Variants in LRP1B observed in about 807,000 individuals in gnomAD.
LRP1B encodes the protein low-density lipoprotein receptor-related protein 1B.
Under a neutral mutation model 556.6 loss-of-function variants are expected in LRP1B, and 217 were observed. That is an observed-to-expected ratio of 0.39 (90% CI 0.35 to 0.44). The LOEUF is 0.44. Among genes scored for constraint, LRP1B ranks in the 20% least tolerant of loss-of-function variants. The pLI, the probability that LRP1B is intolerant of heterozygous loss-of-function variation, is 1.00. For missense variants in LRP1B, 5,053 were observed against 5,620.8 expected (o/e 0.90, Z 3.23); for synonymous variants, 2,047 against 1,865.8 (o/e 1.10, Z -2.50).
intron 41 of LRP1B, among the ~76,000 whole-genome samples, chr2:140,681,964 T>C (rs1401862235): frequency 1.3e-5 from 2 of 152,234 alleles, no homozygotes; most frequent in Non-Finnish European, 2.9e-5. Flanking sequence ...AAGAAAGGCA[T>C]GTGTGGATGT....
intron 27 of LRP1B, among the ~76,000 whole-genome samples, chr2:140,864,665 T>C (rs901686768): frequency 6.6e-6 from 1 of 152,066 alleles, no homozygotes; most frequent in Non-Finnish European, 1.5e-5. Flanking sequence ...GCTATTATTT[T>C]TTAATATACC....
chr2:141,759,357 A>G (rs1178455889), intron 2 of LRP1B, among the ~76,000 whole-genome samples: 1 of 152,152 alleles, frequency 6.6e-6, no homozygotes, highest in Non-Finnish European at 1.5e-5. Context: ...ACAAAGGAAA[A>G]CCTTGAGATG....
intron 71 of LRP1B, among the ~76,000 whole-genome samples, chr2:140,367,384 A>T (rs889735334): frequency 1.3e-5 from 2 of 151,772 alleles, no homozygotes. Flanking sequence ...TACAGCTTAC[A>T]TTGCCATCTC....
intron 3 of LRP1B, among the ~76,000 whole-genome samples, chr2:141,416,392 T>C (rs1329670046): frequency 6.6e-6 from 1 of 151,564 alleles, no homozygotes; most frequent in Non-Finnish European, 1.5e-5. Context: ...AGGCAAGACA[T>C]AAGCTGCTTA....
intron 41 of LRP1B, among the ~76,000 whole-genome samples, chr2:140,670,544 T>C (rs1191497432): frequency 6.6e-6 from 1 of 152,180 alleles, no homozygotes; most frequent in South Asian, 2.1e-4. Context: ...CCAGATCCTC[T>C]TTATACTTTA....
chr2:140,842,206 T>C (rs1692131888), intron 29 of LRP1B, among the ~76,000 whole-genome samples: 1 of 152,192 alleles, frequency 6.6e-6, no homozygotes, highest in African/African-American at 2.4e-5. Flanking sequence ...GCTAGATTTT[T>C]TAATGTGAAA....
chr2:140,885,640 C>G (rs1292698658), intron 24 of LRP1B, among the ~76,000 whole-genome samples: 3 of 151,942 alleles, frequency 2.0e-5, no homozygotes, highest in Non-Finnish European at 2.9e-5. Context: ...TGTGAGCCAC[C>G]ACACCCGGCT....
At chr2:140,357,210 T>C (rs1682266001) in intron 74 of LRP1B, among the ~76,000 whole-genome samples, 1 of 151,738 alleles carries the variant, frequency 6.6e-6, no homozygotes, top group Non-Finnish European at 1.5e-5. Context: ...ATCAAATTTT[T>C]GAGAAATGTG....
intron 1 of LRP1B, among the ~76,000 whole-genome samples, chr2:141,904,585 A>T (rs1699704774): frequency 6.6e-6 from 1 of 151,896 alleles, no homozygotes; most frequent in Non-Finnish European, 1.5e-5. Context: ...TGATTTTAAG[A>T]GATGGGGTCC....
At chr2:141,096,680 G>A (rs1006583439) in intron 7 of LRP1B, among the ~76,000 whole-genome samples, 3 of 125,416 alleles carry the variant, frequency 2.4e-5, no homozygotes, top group Admixed American at 8.2e-5. Flanking sequence ...GAGAGAGAGA[G>A]AGAGAGAGAG....
At chr2:141,639,349 T>TATATATATACACACAC (rs1262198983) in intron 2 of LRP1B, among the ~76,000 whole-genome samples, 26 of 56,088 alleles carry the variant, frequency 4.6e-4, no homozygotes, top group Admixed American at 1.3e-3. Context: ...TATATATATA[T>TATATATATACACACAC]ACACACACAC....
intron 31 of LRP1B, among the ~76,000 whole-genome samples, chr2:140,824,333 C>T (rs1691432660): frequency 6.6e-6 from 1 of 151,922 alleles, no homozygotes; most frequent in Non-Finnish European, 1.5e-5. Context: ...TCAAAAATTA[C>T]AATTAATAGG....
chr2:140,981,474 T>A (rs1236641419), intron 18 of LRP1B, among the ~76,000 whole-genome samples: 1 of 152,114 alleles, frequency 6.6e-6, no homozygotes, highest in Admixed American at 6.6e-5. Flanking sequence ...GCTCATTCTG[T>A]TACTGTGTTT....
intron 2 of LRP1B, among the ~76,000 whole-genome samples, chr2:141,692,621 G>C (rs561998204): frequency 6.6e-6 from 1 of 151,984 alleles, no homozygotes; most frequent in African/African-American, 2.4e-5. Flanking sequence ...GGACCCATTA[G>C]AGTCATGAGT....
At chr2:140,254,752 C>T (rs866163358) in intron 86 of LRP1B, among the ~76,000 whole-genome samples, 1 of 152,136 alleles carries the variant, frequency 6.6e-6, no homozygotes, top group Non-Finnish European at 1.5e-5. Flanking sequence ...TGGGGTTTCA[C>T]CATGTTGGTC....
At chr2:140,324,128 T>C (rs1352908934) in intron 80 of LRP1B, 62 bp from the exon 81 acceptor site, 9 of 1,028,212 alleles carry the variant, frequency 8.8e-6, no homozygotes, top group Non-Finnish European at 1.2e-5. Context: ...TTAAAAACTA[T>C]GTTTATCCAA....
At chr2:141,275,027 A>C (rs1209764598) in intron 3 of LRP1B, among the ~76,000 whole-genome samples, 2 of 152,184 alleles carry the variant, frequency 1.3e-5, no homozygotes, top group East Asian at 3.9e-4. Context: ...CCAAGTTGGA[A>C]AAAGGCGAAT....
intron 66 of LRP1B, among the ~76,000 whole-genome samples, chr2:140,401,421 C>T (rs2105228871): frequency 6.6e-6 from 1 of 152,286 alleles, no homozygotes; most frequent in East Asian, 1.9e-4. Context: ...GTGAACTCTT[C>T]TGTGTAGCCA....
intron 2 of LRP1B, among the ~76,000 whole-genome samples, chr2:141,625,782 C>A (rs1229688339): frequency 6.6e-6 from 1 of 152,046 alleles, no homozygotes; most frequent in African/African-American, 2.4e-5. Flanking sequence ...TTATTAAGAA[C>A]ACAGTTTCCC....
Sources: gnomAD v4.1 joint callset for allele counts (sites outside exome capture counted in the v4.1 genomes callset) on GRCh38, gnomAD v4.1.1 for gene constraint, MANE v1.5 for transcripts, NCBI Gene and HGNC (gene_info 2026-07-23, HGNC 2026-07-21) for gene names.